Variants in PLS1 observed in about 807,000 individuals in gnomAD.
PLS1 encodes plastin 1, also known as plastin-1.
In PLS1, 32 loss-of-function variants were observed where a neutral mutation model predicts 73.7. The observed-to-expected ratio is 0.43, with a 90% CI of 0.33 to 0.58. The LOEUF (loss-of-function observed/expected upper bound fraction) is 0.58. Ranked by LOEUF, PLS1 falls within the 20% of genes least tolerant of loss-of-function variation. PLS1 has a pLI of 0.04. For synonymous variants in PLS1, 217 were observed against 261.3 expected (o/e 0.83, Z 1.63); for missense variants, 633 against 740.5 (o/e 0.85, Z 1.68).
intron 3 of PLS1, among the ~76,000 whole-genome samples, chr3:142,670,306 AAAG>A (rs1335274701): frequency 6.6e-6 from 1 of 152,214 alleles, no homozygotes; most frequent in Non-Finnish European, 1.5e-5. Flanking sequence ...CAAGCAACTG[AAAG>A]AAGGTTTGTG....
intron 1 of PLS1, among the ~76,000 whole-genome samples, chr3:142,616,463 A>G (rs1385242308): frequency 6.6e-6 from 1 of 152,112 alleles, no homozygotes; most frequent in African/African-American, 2.4e-5. Flanking sequence ...TTAGATTTTT[A>G]GTCTCTGATT....
chr3:142,631,479 C>A (rs1435758086), intron 1 of PLS1, among the ~76,000 whole-genome samples: 2 of 151,212 alleles, frequency 1.3e-5, no homozygotes, highest in Non-Finnish European at 3.0e-5. Context: ...GAGTGAGACT[C>A]CATCTCAAAA....
At chr3:142,696,244 C>T (rs1201786816) in intron 11 of PLS1, among the ~76,000 whole-genome samples, 2 of 152,178 alleles carry the variant, frequency 1.3e-5, no homozygotes, top group Non-Finnish European at 1.5e-5. Flanking sequence ...GTCAGGAACA[C>T]TAGAGTTCTA....
At chr3:142,603,874 CTG>C (rs767880654) in intron 1 of PLS1, among the ~76,000 whole-genome samples, 2 of 151,868 alleles carry the variant, frequency 1.3e-5, no homozygotes, top group East Asian at 3.9e-4. Flanking sequence ...AAAGGAGAAA[CTG>C]TCTTTTCTTG....
chr3:142,708,372 G>A (rs923319786), intron 14 of PLS1, among the ~76,000 whole-genome samples: 5 of 151,974 alleles, frequency 3.3e-5, no homozygotes, highest in South Asian at 2.1e-4. Flanking sequence ...TCAGCCTCCC[G>A]AGTAGCTGGG....
At position 142,712,065 on chromosome 3, in the gene PLS1, A is replaced by G; in HGVS notation, c.*58A>G. The G allele has an allele frequency of 6.7e-7, 1 of 1,492,430 alleles. No individual in the cohort carries two copies. The highest frequency in any genetic ancestry group is 9.3e-7 in the Non-Finnish European group (1 of 1,073,128). 92.4% of individuals were successfully genotyped at this position (1,492,430 alleles called of 1,614,324 possible). A position where few individuals can be genotyped will look rare whatever the true frequency, so the allele number is the denominator to read the frequency against. On this transcript the variant is annotated 3_prime_UTR_variant, in exon 16 of 16. Transcript: ENST00000457734. The stretch of plus-strand genomic sequence containing the variant: ...TATTGTATGCCTCACAGTTTACAGG[A>G]TTCTGAAATGTAGTGGGTGTAAAAC...
In PLS1 at chr3:142,712,156, T is replaced by G. The variant is rs1933159427; in HGVS notation, c.*149T>G. On this transcript the variant is annotated 3_prime_UTR_variant, in exon 16 of 16. Transcript: ENST00000457734. The stretch of plus-strand genomic sequence containing the variant: ...AATGAATTCAATATCCTGTTCATAC[T>G]AGTTAGAGCTGGTCAGCCTTTTTGG... The G allele has an allele frequency of 4.5e-6, 3 of 660,740 alleles. No homozygotes were observed. Among genetic ancestry groups the G allele is most frequent in the African/African-American group, 1.8e-5 (1 of 55,294 alleles). 40.9% of individuals were successfully genotyped at this position (660,740 alleles called of 1,614,324 possible). A position where few individuals can be genotyped will look rare whatever the true frequency, so the allele number is the denominator to read the frequency against.
At chr3:142,668,040 T>C (rs2037515806) in intron 2 of PLS1, among the ~76,000 whole-genome samples, 1 of 152,188 alleles carries the variant, frequency 6.6e-6, no homozygotes, top group East Asian at 1.9e-4. Context: ...TCCTAACCAT[T>C]AATTCAGTTA....
At chr3:142,685,709 A>G (rs2037950636) in intron 8 of PLS1, among the ~76,000 whole-genome samples, 1 of 152,222 alleles carries the variant, frequency 6.6e-6, no homozygotes, top group Non-Finnish European at 1.5e-5. Flanking sequence ...GAAGCCCCAG[A>G]ACATCACTTT....
At chr3:142,681,743 C>T (rs998421295) in intron 6 of PLS1, among the ~76,000 whole-genome samples, 3 of 152,198 alleles carry the variant, frequency 2.0e-5, no homozygotes, top group Non-Finnish European at 2.9e-5. Flanking sequence ...TCTCCTGTTA[C>T]TTCTTGTTCT....
chr3:142,604,487 T>TA (rs2108537618), intron 1 of PLS1, among the ~76,000 whole-genome samples: 1 of 152,266 alleles, frequency 6.6e-6, no homozygotes, highest in Non-Finnish European at 1.5e-5. Context: ...TTTTAAGTGT[T>TA]AATCAGGTCA....
chr3:142,682,009 C>A (rs1023324543), intron 6 of PLS1, among the ~76,000 whole-genome samples: 1 of 152,114 alleles, frequency 6.6e-6, no homozygotes, highest in Non-Finnish European at 1.5e-5. Flanking sequence ...TAAGACAAAG[C>A]TGAGTTAACT....
chr3:142,667,990 T>G (rs1482459957), intron 2 of PLS1, among the ~76,000 whole-genome samples: 1 of 152,244 alleles, frequency 6.6e-6, no homozygotes, highest in Non-Finnish European at 1.5e-5. Context: ...CAGTATTAAT[T>G]CTAAAACTTT....
At chr3:142,664,066 C>T in intron 1 of PLS1, 136 bp from the exon 2 acceptor site, 1 of 404,846 alleles carries the variant, frequency 2.5e-6, no homozygotes, top group Non-Finnish European at 4.5e-6. Flanking sequence ...ACCAGGGGAC[C>T]TACTCATATT....
intron 1 of PLS1, among the ~76,000 whole-genome samples, chr3:142,606,291 G>T (rs1302686767): frequency 1.1e-4 from 17 of 151,800 alleles, no homozygotes; most frequent in African/African-American, 4.1e-4. Context: ...GTTTTTTTTT[G>T]AGTATGTTAT....
chr3:142,678,575 A>G (rs2037774337), intron 6 of PLS1, among the ~76,000 whole-genome samples: 1 of 151,460 alleles, frequency 6.6e-6, no homozygotes, highest in Admixed American at 6.6e-5. Flanking sequence ...TTCCAATTTC[A>G]TCCATGTCCC....
chr3:142,685,518 T>C (rs1219170721), intron 8 of PLS1, among the ~76,000 whole-genome samples: 1 of 152,222 alleles, frequency 6.6e-6, no homozygotes, highest in African/African-American at 2.4e-5. Flanking sequence ...TCAGTTGGGC[T>C]CATCTGGAAA....
intron 10 of PLS1, among the ~76,000 whole-genome samples, chr3:142,693,680 A>G (rs1240385821): frequency 6.6e-6 from 1 of 152,178 alleles, no homozygotes; most frequent in Admixed American, 6.5e-5. Context: ...ACTTTGTGGT[A>G]TACTATGACC....
At chr3:142,699,815 A>G (rs1246179241) in intron 12 of PLS1, among the ~76,000 whole-genome samples, 1 of 152,242 alleles carries the variant, frequency 6.6e-6, no homozygotes, top group Non-Finnish European at 1.5e-5. Context: ...GAAATACATC[A>G]TAATATTAAA....
Sources: gnomAD v4.1 joint callset for allele counts (sites outside exome capture counted in the v4.1 genomes callset) on GRCh38, gnomAD v4.1.1 for gene constraint, MANE v1.5 for transcripts, NCBI Gene and HGNC (gene_info 2026-07-23, HGNC 2026-07-21) for gene names.